SMAD6: variants seen among roughly 807,000 people sequenced by gnomAD.
SMAD6 encodes SMAD family member 6.
SMAD6 carries 103 observed loss-of-function variants against 39.4 expected under a neutral mutation model. The ratio of observed to expected loss-of-function variants is 2.62; its 90% CI spans 2.23 to 3.08. SMAD6 has a LOEUF of 3.08. Ranked by LOEUF, SMAD6 falls within the 30% of genes most tolerant of loss-of-function variation. SMAD6 has a pLI of 0.00. For missense variants in SMAD6, 1,104 were observed against 742.9 expected, an observed-to-expected ratio of 1.49 and a Z score of -5.65; for synonymous variants, 445 against 353.3, an observed-to-expected ratio of 1.26 and a Z score of -2.91.
intron 2 of SMAD6, among the ~76,000 whole-genome samples, chr15:66,715,524 T>A (rs1256573359): frequency 6.6e-6 from 1 of 152,178 alleles, no homozygotes; most frequent in Non-Finnish European, 1.5e-5. Context: ...ATGTGTGTGC[T>A]GCAGGCCTTC....
intron 3 of SMAD6, among the ~76,000 whole-genome samples, chr15:66,749,215 T>C (rs1242004100): frequency 6.6e-6 from 1 of 152,060 alleles, no homozygotes; most frequent in Non-Finnish European, 1.5e-5. Flanking sequence ...ATCCTAGCAC[T>C]TTTGGAGACC....
chr15:66,755,255 G>C (rs546534307), intron 3 of SMAD6, among the ~76,000 whole-genome samples: 4 of 152,300 alleles, frequency 2.6e-5, no homozygotes, highest in East Asian at 3.9e-4. Flanking sequence ...GGATCCAGCA[G>C]AAATTTCTGT....
intron 3 of SMAD6, among the ~76,000 whole-genome samples, chr15:66,763,153 G>C (rs1242359571): frequency 6.6e-6 from 1 of 152,248 alleles, no homozygotes; most frequent in African/African-American, 2.4e-5. Context: ...TCCAGAACTA[G>C]GAGATGGAAG....
intron 3 of SMAD6, among the ~76,000 whole-genome samples, chr15:66,752,734 C>T (rs1484142323): frequency 6.6e-6 from 1 of 152,086 alleles, no homozygotes; most frequent in South Asian, 2.1e-4. Context: ...TTTGAGGCTA[C>T]AGTGAGCTAT....
At chr15:66,760,163 G>A (rs575812729) in intron 3 of SMAD6, among the ~76,000 whole-genome samples, 92 of 149,444 alleles carry the variant, frequency 6.2e-4, no homozygotes, top group African/African-American at 2.2e-3. Context: ...TTTCTAGATG[G>A]TTGTGATGTC....
At chr15:66,704,933 C>G (rs1247258725) in intron 1 of SMAD6, 1 of 152,570 alleles carries the variant, frequency 6.6e-6, no homozygotes, top group Non-Finnish European at 1.5e-5. Flanking sequence ...CCCAGCAGGT[C>G]AGGAGGCTCC....
Position 66,781,385 on chromosome 15 carries a change from G to A in SMAD6, c.1341G>A (p.Gln447=). The change falls in exon 4 of 4, where the codon CAG becomes CAA. Residue 447 remains glutamine (Q), a synonymous_variant. Transcript: ENST00000288840. The part of the protein sequence containing the change: ...KVFDFERSGL[Q]HAPEPDAADG... ...TCGACTTCGAGCGCTCGGGCCTGCA[G>A]CACGCGCCCGAGCCCGACGCCGCCG... 1 of 1,601,986 alleles carries A rather than the reference G, an allele frequency of 6.2e-7. No homozygotes were observed.
intron 3 of SMAD6, among the ~76,000 whole-genome samples, chr15:66,718,276 G>C (rs556476411): frequency 1.3e-5 from 2 of 152,268 alleles, no homozygotes; most frequent in South Asian, 4.2e-4. Flanking sequence ...GCACTGTCAG[G>C]AGGCCTCTCC....
chr15:66,763,969 G>T (rs1182477794), intron 3 of SMAD6, among the ~76,000 whole-genome samples: 1 of 152,254 alleles, frequency 6.6e-6, no homozygotes, highest in Non-Finnish European at 1.5e-5. Flanking sequence ...CCAGAGCAGG[G>T]CTGAGGCGCC....
intron 3 of SMAD6, among the ~76,000 whole-genome samples, chr15:66,773,970 G>A (rs529098133): frequency 6.6e-6 from 1 of 152,318 alleles, no homozygotes; most frequent in Admixed American, 6.5e-5. Context: ...GCCCAGGTGG[G>A]TGTGAAGCAG....
In SMAD6 at chr15:66,730,559, C is replaced by T. The variant is rs144571915; in HGVS notation, c.952+14061C>T. On this transcript the variant is annotated intron_variant, in intron 3 of 3. Coordinates refer to ENST00000288840, the MANE Select transcript of SMAD6 (RefSeq NM_005585.5). ...GTAACCAGGAAACTGGTGGCCCTGG[C>T]GCCTAGCATGGCCCACCTCATGCAG... Among the ~76,000 whole-genome samples the T allele has an allele frequency of 9.2e-5, 14 of 152,280 alleles. No homozygotes were observed. In the East Asian group the frequency reaches 2.3e-3, roughly 25 times the overall value.
chr15:66,710,844 A>G (rs1893212837), intron 1 of SMAD6, among the ~76,000 whole-genome samples: 1 of 152,182 alleles, frequency 6.6e-6, no homozygotes, highest in Non-Finnish European at 1.5e-5. Flanking sequence ...AGCTGTAGAG[A>G]GCTTGTGTTC....
Position 66,781,377 on chromosome 15 carries a change from G to GGCCTGCAGCACGCGCCCGA in SMAD6, c.1337_1355dup (p.Asp453AlafsTer118). 1 of 1,601,624 alleles carries GGCCTGCAGCACGCGCCCGA rather than the reference G, an allele frequency of 6.2e-7. No homozygotes were observed. Among genetic ancestry groups the GGCCTGCAGCACGCGCCCGA allele is most frequent in the Non-Finnish European group, 8.5e-7 (1 of 1,177,314 alleles). The stretch of plus-strand genomic sequence containing the variant: ...CAAGGTGTTCGACTTCGAGCGCTCG[G>GGCCTGCAGCACGCGCCCGA]GCCTGCAGCACGCGCCCGAGCCCGA... On this transcript the variant is annotated frameshift_variant, in exon 4 of 4. Coordinates refer to ENST00000288840, the MANE Select transcript of SMAD6 (RefSeq NM_005585.5). LOFTEE classifies it high-confidence loss of function.
chr15:66,712,823 A>G (rs1371495665), intron 2 of SMAD6, among the ~76,000 whole-genome samples: 1 of 152,134 alleles, frequency 6.6e-6, no homozygotes, highest in African/African-American at 2.4e-5. Context: ...CCTGGGCAAC[A>G]TAGCAAGACC....
At chr15:66,757,737 G>C (rs768607306) in intron 3 of SMAD6, among the ~76,000 whole-genome samples, 47 of 152,246 alleles carry the variant, frequency 3.1e-4, no homozygotes, top group Non-Finnish European at 4.7e-4. Context: ...GGCCAGGGCT[G>C]CCCTGAGCGC....
chr15:66,772,115 T>C (rs934659412), intron 3 of SMAD6, among the ~76,000 whole-genome samples: 1 of 152,204 alleles, frequency 6.6e-6, no homozygotes, highest in African/African-American at 2.4e-5. Flanking sequence ...TAGCTTCTTA[T>C]AGCATGGTCT....
chr15:66,729,632 C>T (rs976057196), intron 3 of SMAD6, among the ~76,000 whole-genome samples: 2 of 152,166 alleles, frequency 1.3e-5, no homozygotes, highest in Non-Finnish European at 2.9e-5. Flanking sequence ...AGCGTGGACT[C>T]CCAGGCCCTT....
chr15:66,731,806 A>G, intron 3 of SMAD6, among the ~76,000 whole-genome samples: 1 of 152,228 alleles, frequency 6.6e-6, no homozygotes, highest in Admixed American at 6.5e-5. Context: ...CTGCTTTCCG[A>G]AGTGGTTGTA....
At chr15:66,717,892 G>A (rs899200403) in intron 3 of SMAD6, among the ~76,000 whole-genome samples, 1 of 152,164 alleles carries the variant, frequency 6.6e-6, no homozygotes, top group Non-Finnish European at 1.5e-5. Context: ...GGCCCAACCA[G>A]ATGAACGCAA....
Sources: allele counts gnomAD v4.1 joint callset (sites outside exome capture counted in the v4.1 genomes callset), GRCh38; gene constraint gnomAD v4.1.1; transcripts MANE v1.5; gene names NCBI Gene and HGNC (gene_info 2026-07-23, HGNC 2026-07-21).